METTL15: variants seen among roughly 807,000 people sequenced by gnomAD.
METTL15 encodes the protein methyltransferase 15, mitochondrial 12S rRNA N4-cytidine.
A neutral mutation model predicts 38.3 loss-of-function variants in METTL15; 34 were observed. That is an observed-to-expected ratio of 0.89 (90% confidence interval 0.68 to 1.18). The LOEUF (loss-of-function observed/expected upper bound fraction) is 1.18, where lower values mean the gene tolerates loss of function less well. Among genes scored for constraint, METTL15 ranks in the 50% most tolerant of loss-of-function variants. The pLI is 0.00. For missense variants in METTL15, 438 were observed against 498.4 expected (o/e 0.88, Z 1.15); for synonymous variants, 162 against 170.9 (o/e 0.95, Z 0.41).
chr11:28,381,984 A>G (rs1850391501), intron 5 of METTL15, among the ~76,000 whole-genome samples: 1 of 151,806 alleles, frequency 6.6e-6, no homozygotes, highest in Non-Finnish European at 1.5e-5. Context: ...CAAATCTTCT[A>G]TGTCAGACTT....
At chr11:28,389,308 G>C (rs1389447185) in intron 5 of METTL15, among the ~76,000 whole-genome samples, 1 of 150,384 alleles carries the variant, frequency 6.6e-6, no homozygotes, top group Non-Finnish European at 1.5e-5. Context: ...GTATACATGT[G>C]CCATGCTGGT....
intron 4 of METTL15, among the ~76,000 whole-genome samples, chr11:28,246,302 G>T (rs751597587): frequency 6.6e-6 from 1 of 152,012 alleles, no homozygotes; most frequent in Non-Finnish European, 1.5e-5. Context: ...GAAAATATGT[G>T]TATTATGTGT....
At chr11:28,148,235 C>G (rs1055402597) in intron 3 of METTL15, among the ~76,000 whole-genome samples, 1 of 151,802 alleles carries the variant, frequency 6.6e-6, no homozygotes, top group African/African-American at 2.4e-5. Context: ...AATTAATGTT[C>G]ATGTATAAAT....
chr11:28,529,421 A>G (rs1046368523), downstream of METTL15, among the ~76,000 whole-genome samples: 13 of 151,988 alleles, frequency 8.6e-5, no homozygotes. Context: ...ATGAAAATCA[A>G]TTTCTTGTTA....
At chr11:28,379,903 T>A (rs1481295813) in intron 5 of METTL15, among the ~76,000 whole-genome samples, 2 of 152,202 alleles carry the variant, frequency 1.3e-5, no homozygotes, top group Non-Finnish European at 2.9e-5. Context: ...GTGATGGTTG[T>A]GTAGATATTT....
At chr11:28,517,804 A>G (rs1253647234) in intron 6 of METTL15, among the ~76,000 whole-genome samples, 1 of 152,208 alleles carries the variant, frequency 6.6e-6, no homozygotes, top group African/African-American at 2.4e-5. Flanking sequence ...AACCTCAGGG[A>G]GGAGACTCCA....
intron 4 of METTL15, among the ~76,000 whole-genome samples, chr11:28,266,644 C>T (rs936331066): frequency 1.3e-5 from 2 of 152,132 alleles, no homozygotes; most frequent in Non-Finnish European, 2.9e-5. Flanking sequence ...TTGCCTCTAA[C>T]TTCAAAATAT....
At chr11:28,393,766 G>T (rs1390973399) in intron 5 of METTL15, among the ~76,000 whole-genome samples, 1 of 152,044 alleles carries the variant, frequency 6.6e-6, no homozygotes. Context: ...ACTTAGGTAT[G>T]CCCTGGTTCA....
chr11:28,141,061 A>G lies in METTL15; in HGVS notation c.270+27457A>G, dbSNP rs577122435. 7.2e-5 allele frequency among the ~76,000 whole-genome samples: 11 copies of G among 152,316 alleles called. No homozygotes were observed. The South Asian group carries it at 1.5e-3, about 20-fold the overall frequency. ...GAGAACAGCAGTAGTTGCAGCAGAG[A>G]TAGTGTTTAGTCATAGCACTTTAAT... On this transcript the variant is annotated intron_variant, in intron 3 of 6. Transcript: ENST00000407364.
At chr11:28,261,593 G>A (rs1424752698) in intron 4 of METTL15, 1 of 152,056 alleles carries the variant, frequency 6.6e-6, no homozygotes, top group Non-Finnish European at 1.5e-5. Flanking sequence ...TTTTTCTTTA[G>A]TGTCACTCTC....
intron 4 of METTL15, among the ~76,000 whole-genome samples, chr11:28,232,444 T>A (rs1338515674): frequency 6.6e-6 from 1 of 151,782 alleles, no homozygotes; most frequent in Non-Finnish European, 1.5e-5. Context: ...ATCTAAAAAA[T>A]TCATGTTTGG....
intron 5 of METTL15, among the ~76,000 whole-genome samples, chr11:28,366,096 G>A (rs1850183092): frequency 6.6e-6 from 1 of 151,994 alleles, no homozygotes; most frequent in African/African-American, 2.4e-5. Flanking sequence ...ATTGTCAGGA[G>A]CACAGTGAGT....
intron 6 of METTL15, among the ~76,000 whole-genome samples, chr11:28,427,402 G>A (rs1030460747): frequency 6.6e-6 from 1 of 152,078 alleles, no homozygotes; most frequent in Non-Finnish European, 1.5e-5. Flanking sequence ...GTTTAGGATT[G>A]TCTTGGCTCT....
intron 5 of METTL15, among the ~76,000 whole-genome samples, chr11:28,387,981 A>G (rs1453115733): frequency 6.6e-6 from 1 of 152,138 alleles, no homozygotes; most frequent in African/African-American, 2.4e-5. Context: ...CAGAAAAAGT[A>G]TTTGAGAAAA....
chr11:28,173,410 A>G (rs969326475), intron 3 of METTL15, among the ~76,000 whole-genome samples: 1 of 152,134 alleles, frequency 6.6e-6, no homozygotes. Flanking sequence ...AAAATCCTTC[A>G]CCAGACATCA....
chr11:28,201,157 TTGA>T (rs1031975308), intron 3 of METTL15, among the ~76,000 whole-genome samples: 1 of 152,164 alleles, frequency 6.6e-6, no homozygotes, highest in African/African-American at 2.4e-5. Context: ...TCTGAGTCTA[TTGA>T]GATAATCATG....
intron 4 of METTL15, among the ~76,000 whole-genome samples, chr11:28,259,275 G>T (rs1855100736): frequency 6.6e-6 from 1 of 151,920 alleles, no homozygotes; most frequent in Admixed American, 6.6e-5. Context: ...TTTCCCATTT[G>T]TCCTGCCCTC....
intron 3 of METTL15, among the ~76,000 whole-genome samples, chr11:28,347,355 T>A (rs549471916): frequency 6.5e-4 from 99 of 152,336 alleles, no homozygotes; most frequent in African/African-American, 2.3e-3. Flanking sequence ...GATTCATGAA[T>A]GGTTTTGCTG....
chr11:28,502,172 A>G (rs376319475), intron 6 of METTL15, among the ~76,000 whole-genome samples: 4 of 152,204 alleles, frequency 2.6e-5, no homozygotes, highest in South Asian at 4.2e-4. Flanking sequence ...ATATCCAGCT[A>G]TCTTCTTGGA....
Sources: allele counts gnomAD v4.1 joint callset (sites outside exome capture counted in the v4.1 genomes callset), GRCh38; gene constraint gnomAD v4.1.1; transcripts MANE v1.5; gene names NCBI Gene and HGNC (gene_info 2026-07-23, HGNC 2026-07-21).